The following MRPS5 variants were observed in gnomAD, a reference collection of about 807,000 sequenced individuals.
MRPS5 encodes mitochondrial ribosomal protein S5, also known as small ribosomal subunit protein uS5m.
A neutral mutation model predicts 51.9 loss-of-function variants in MRPS5; 27 were observed. The observed-to-expected ratio is 0.52, with a 90% CI of 0.38 to 0.72. The LOEUF (loss-of-function observed/expected upper bound fraction) is 0.72, where lower values mean the gene tolerates loss of function less well. MRPS5 is among the 30% of genes least tolerant of loss of function. MRPS5 has a pLI of 0.00. For synonymous variants in MRPS5, 196 were observed against 193.2 expected, an observed-to-expected ratio of 1.01 and a Z score of -0.12; for missense variants, 570 against 545.7, an observed-to-expected ratio of 1.04 and a Z score of -0.44.
intron 10 of MRPS5, among the ~76,000 whole-genome samples, chr2:95,099,190 T>G (rs1346881560): frequency 7.9e-5 from 12 of 151,496 alleles, no homozygotes; most frequent in Non-Finnish European, 1.6e-4. Context: ...AGTGCTGGTA[T>G]TACAGGCGTG....
At chr2:95,087,607 G>T (rs1190704953) in intron 11 of MRPS5, 26 bp from the exon 12 acceptor site, 7 of 1,586,300 alleles carry the variant, frequency 4.4e-6, no homozygotes, top group Non-Finnish European at 6.0e-6. Flanking sequence ...TTCAGAACAG[G>T]TTAGGTCTGA....
At chr2:95,091,877 T>C (rs1367372988) in intron 10 of MRPS5, 1 of 152,172 alleles carries the variant, frequency 6.6e-6, no homozygotes, top group Admixed American at 6.5e-5. Flanking sequence ...CACGTGAACA[T>C]AATGCACCCA....
chr2:95,119,920 G>C (rs548515438), intron 1 of MRPS5, among the ~76,000 whole-genome samples: 1 of 152,040 alleles, frequency 6.6e-6, no homozygotes, highest in Non-Finnish European at 1.5e-5. Flanking sequence ...AAAACTAGCC[G>C]GGCATGGTGG....
rs969762305 is a variant in MRPS5 at position 95,121,780 on chromosome 2, C to A, written c.12G>T (p.Ala4=). 2 of 1,551,270 alleles carry A rather than the reference C, an allele frequency of 1.3e-6. No homozygotes were observed. Among genetic ancestry groups the A allele is most frequent in the Admixed American group, 1.9e-5 (1 of 54,002 alleles). MAT[A]VRAVGCLPVL... ...CGGGGAGGCAGCCCACAGCGCGCAC[C>A]GCGGTCGCCATGCTGGAGTCCGAGC... is the stretch of plus-strand genomic sequence containing the variant. Residue 4 remains alanine (A), a synonymous_variant, in exon 1 of 12, where the codon GCG becomes GCT. Transcript: ENST00000272418.
intron 7 of MRPS5, among the ~76,000 whole-genome samples, chr2:95,102,821 T>C (rs1273347399): frequency 3.9e-5 from 6 of 152,208 alleles, no homozygotes; most frequent in African/African-American, 9.7e-5. Context: ...TGAAATACAG[T>C]TTACCAGCAG....
intron 1 of MRPS5, among the ~76,000 whole-genome samples, chr2:95,119,819 T>C (rs1558689133): frequency 6.6e-6 from 1 of 152,146 alleles, no homozygotes; most frequent in Non-Finnish European, 1.5e-5. Flanking sequence ...TCCCAGCACT[T>C]TGGGAGGCCA....
chr2:95,119,189 T>C (rs751643191), intron 1 of MRPS5, among the ~76,000 whole-genome samples: 4 of 152,218 alleles, frequency 2.6e-5, no homozygotes, highest in Non-Finnish European at 4.4e-5. Flanking sequence ...CATATTTGAA[T>C]AGCTATTTCA....
chr2:95,109,707 T>C (rs1468904687), intron 4 of MRPS5, among the ~76,000 whole-genome samples: 1 of 152,262 alleles, frequency 6.6e-6, no homozygotes, highest in Non-Finnish European at 1.5e-5. Flanking sequence ...GGACATTTAA[T>C]GCTTGCTGAA....
chr2:95,115,116 G>A lies in MRPS5; in HGVS notation c.227C>T (p.Pro76Leu). The A allele has an allele frequency of 1.9e-6, 3 of 1,612,358 alleles. No homozygotes were observed. The highest frequency in any genetic ancestry group is 2.5e-6 in the Non-Finnish European group (3 of 1,179,650). ...ATACTGCTGGCTCATCAGGTGACTG[G>A]GAGAAGAAATACAGCATTGTGTCTG... ...ALQTQCCISS[P>L]SHLMSQQYRP... The change falls in exon 3 of 12, where the codon CCC becomes CTC. Residue 76 changes from proline (P) to leucine (L), a missense_variant. Transcript: ENST00000272418.
chr2:95,106,359 T>TTCCAGCCC, intron 6 of MRPS5, 64 bp downstream of exon 6: 3 of 835,218 alleles, frequency 3.6e-6, no homozygotes, highest in Non-Finnish European at 6.3e-6. Context: ...TCTTGCCCTG[T>TTCCAGCCC]CCCTGCCCCA....
At chr2:95,121,959 T>A, upstream of MRPS5, 1 of 752,172 alleles carries the variant, frequency 1.3e-6, no homozygotes, top group Non-Finnish European at 1.9e-6. Flanking sequence ...CGGGCCACAC[T>A]GCAGGCGGAG....
chr2:95,092,442 C>CT (rs1403419241), intron 10 of MRPS5: 1 of 152,206 alleles, frequency 6.6e-6, no homozygotes, highest in East Asian at 1.9e-4. Context: ...ATCTGGCATC[C>CT]TTTTTGGAGT....
chr2:95,111,870 T>C (rs562508967), intron 3 of MRPS5, among the ~76,000 whole-genome samples: 13 of 152,324 alleles, frequency 8.5e-5, no homozygotes, highest in Middle Eastern at 6.8e-3. Context: ...ATCAACATAA[T>C]TGTGTAATGG....
At chr2:95,117,283 T>C (rs1204647441) in intron 2 of MRPS5, among the ~76,000 whole-genome samples, 5 of 152,048 alleles carry the variant, frequency 3.3e-5, no homozygotes, top group Non-Finnish European at 5.9e-5. Context: ...AGTGATGTGT[T>C]TGAGAGATTT....
rs564168230 is a variant in MRPS5 at position 95,089,534 on chromosome 2, C to T, written c.1068+852G>A. ...GGGGCCCGGTGCAGTCACAGCCCTG[C>T]CCTCCATGGTGGGTGATTGGGAGCC... On this transcript the variant is annotated intron_variant, in intron 11 of 11. Transcript: ENST00000272418. 1.2e-4 allele frequency among the ~76,000 whole-genome samples: 19 copies of T among 152,196 alleles called. 1 individual carries two copies. The highest frequency in any genetic ancestry group is 2.1e-4 in the South Asian group (1 of 4,830).
At chr2:95,101,807 C>G in intron 7 of MRPS5, 84 bp from the exon 8 acceptor site, 1 of 824,958 alleles carries the variant, frequency 1.2e-6, no homozygotes, top group Non-Finnish European at 1.9e-6. Context: ...TCTGCTCCTA[C>G]AATATTTCAC....
intron 3 of MRPS5, 81 bp downstream of exon 3, chr2:95,114,985 T>C (rs565430255): frequency 3.9e-6 from 5 of 1,273,628 alleles, no homozygotes; most frequent in African/African-American, 3.0e-5. Context: ...TCTTAATTCA[T>C]GTAAAAAAGA....
At chr2:95,088,640 T>C (rs1351822406) in intron 11 of MRPS5, among the ~76,000 whole-genome samples, 1 of 152,258 alleles carries the variant, frequency 6.6e-6, no homozygotes, top group African/African-American at 2.4e-5. Flanking sequence ...CCTAAAGTGG[T>C]GGCATCTTTT....
chr2:95,090,392 G>A lies in MRPS5; in HGVS notation c.1062C>T (p.Ser354=), dbSNP rs1453621991. The A allele has an allele frequency of 1.1e-5, 18 of 1,613,498 alleles. No homozygotes were observed. Among genetic ancestry groups the A allele is most frequent in the Non-Finnish European group, 1.5e-5 (18 of 1,179,944 alleles). The change falls in exon 11 of 12, where the codon TCC becomes TCT. Residue 354 remains serine (S), a synonymous_variant. Transcript: ENST00000272418. ...GACCCCGGGAAAGGATTACCTGTCT[G>A]GAGAGCCCACGGAAGAGGCCCTGGG... ...SLTQGLFRGL[S]RQETHQQLAD... is the part of the protein sequence containing the mutation.
Sources: allele counts gnomAD v4.1 joint callset (sites outside exome capture counted in the v4.1 genomes callset), GRCh38; gene constraint gnomAD v4.1.1; transcripts MANE v1.5; gene names NCBI Gene and HGNC (gene_info 2026-07-23, HGNC 2026-07-21).